Variants in KIFC2 observed in about 807,000 individuals in gnomAD.
KIFC2 encodes the protein kinesin-like protein KIFC2.
A neutral mutation model predicts 91.5 loss-of-function variants in KIFC2; 94 were observed. The ratio of observed to expected loss-of-function variants is 1.03; its 90% CI spans 0.87 to 1.22. The LOEUF is 1.22. Among genes scored for constraint, KIFC2 ranks in the 50% most tolerant of loss-of-function variants. The pLI is 0.00. For missense variants in KIFC2, 1,357 were observed against 1,103.3 expected (o/e 1.23, Z -3.26); for synonymous variants, 729 against 503.9 (o/e 1.45, Z -5.98).
chr8:144,469,457 C>T (rs368388290), intron 11 of KIFC2, 33 bp from the exon 12 acceptor site: 23 of 1,613,550 alleles, frequency 1.4e-5, no homozygotes, highest in Admixed American at 5.0e-5. Flanking sequence ...TTAGGGTCTG[C>T]GAGGCATTAT....
At position 144,467,381 on chromosome 8, in the gene KIFC2, G is replaced by A. The variant is rs752982484; in HGVS notation, c.469+40G>A. The A allele has an allele frequency of 7.7e-6, 12 of 1,554,984 alleles. 1 individual carries two copies. The highest frequency in any genetic ancestry group is 7.3e-5 in the South Asian group (6 of 81,776). On this transcript the variant is annotated intron_variant, in intron 4 of 17. Coordinates refer to ENST00000645548, the MANE Select transcript of KIFC2 (RefSeq NM_001369769.2). ...GTAAGTTGAAGAAGAACTCTGGAGG[G>A]AGCAAATCCCGGTAGAACCTGGGCG...
chr8:144,469,790 C>A, intron 12 of KIFC2, 143 bp downstream of exon 12: 1 of 1,082,850 alleles, frequency 9.2e-7, no homozygotes, highest in Non-Finnish European at 1.3e-6. Flanking sequence ...GGAAAGGGAA[C>A]CGAGGGGGCT....
chr8:144,472,112 C>T (rs200364470), intron 13 of KIFC2, 26 bp from the exon 14 acceptor site: 40 of 1,613,014 alleles, frequency 2.5e-5, no homozygotes, highest in African/African-American at 1.3e-4. Flanking sequence ...GATGTGAGCC[C>T]GGTGTGCACC....
intron 12 of KIFC2, among the ~76,000 whole-genome samples, chr8:144,471,084 C>T (rs1030910176): frequency 2.0e-5 from 3 of 152,088 alleles, no homozygotes; most frequent in Non-Finnish European, 4.4e-5. Context: ...CTGCTTCAGC[C>T]TCCGAAGTAG....
intron 2 of KIFC2, 39 bp from the exon 3 acceptor site, chr8:144,466,920 T>G: frequency 6.4e-7 from 1 of 1,573,262 alleles, no homozygotes; most frequent in Non-Finnish European, 8.6e-7. Context: ...CTCAAGCACG[T>G]GACCCGAAAT....
At chr8:144,470,043 T>C (rs1824866941) in intron 12 of KIFC2, among the ~76,000 whole-genome samples, 1 of 152,272 alleles carries the variant, frequency 6.6e-6, no homozygotes, top group Admixed American at 6.5e-5. Flanking sequence ...GCCAGACACC[T>C]GTGGAAAAGC....
In KIFC2 at chr8:144,473,144, C is replaced by T. The variant is rs1825006580; in HGVS notation, c.2131C>T (p.Pro711Ser). Residue 711 changes from proline (P) to serine (S), a missense_variant, in exon 18 of 18, where the codon CCG (proline) becomes TCG (serine). Pro to Ser is a moderately conservative substitution (Grantham distance 74). Coordinates refer to ENST00000645548, the MANE Select transcript of KIFC2 (RefSeq NM_001369769.2). Reference sequence around the variant, plus strand: ...CTCTTGCCCGCAGATCTCCACGCGGCCGGAGGATCTCGGGGAGACAGTCTG... The same window carrying T: ...CTCTTGCCCGCAGATCTCCACGCGGTCGGAGGATCTCGGGGAGACAGTCTG... ...AVLLLQISTR[P>S]EDLGETVCSL... is the part of the protein sequence containing the mutation. 1 of 1,564,100 alleles carries T rather than the reference C, an allele frequency of 6.4e-7. No individual in the cohort carries two copies. The highest frequency in any genetic ancestry group is 8.7e-7 in the Non-Finnish European group (1 of 1,155,206).
rs1333524271 is a variant in KIFC2, at chr8:144,472,270, C to G, written c.1607+11C>G. Reference sequence around the variant, plus strand: ...CAATGAGGCTGTCAGGTGGGCTACTCCACCAGGGAGGCCTTCTCCCCACCC... The same window carrying G: ...CAATGAGGCTGTCAGGTGGGCTACTGCACCAGGGAGGCCTTCTCCCCACCC... On this transcript the variant is annotated intron_variant, in intron 14 of 17. Transcript: ENST00000645548. 4 of 1,613,338 alleles carry G rather than the reference C, an allele frequency of 2.5e-6. No homozygotes were observed. The Admixed American group carries it at 5.0e-5, about 20-fold the overall frequency.
At chr8:144,468,295 C>T (rs1212404049) in intron 7 of KIFC2, 34 bp from the exon 8 acceptor site, 25 of 1,569,576 alleles carry the variant, frequency 1.6e-5, no homozygotes, top group Admixed American at 7.2e-5. Flanking sequence ...GACCGTCCCT[C>T]TCTGAGTCCC....
Position 144,467,243 on chromosome 8 carries a change from T to G in KIFC2, c.371T>G (p.Leu124Arg). ...TCACTGTTGACAGTGACCAGTCAGC[T>G]CTTGGCCCTTCTGGCATGGCTTCGA... ...VPSLLTVTSQ[L>R]LALLAWLRSP... Residue 124 changes from leucine (L) to arginine (R), a missense_variant, in exon 4 of 18, where the codon CTC becomes CGC. Coordinates refer to ENST00000645548, the MANE Select transcript of KIFC2 (RefSeq NM_001369769.2). 6.2e-7 allele frequency: 1 copy of G among 1,613,624 alleles called. No individual in the cohort carries two copies. Among genetic ancestry groups the G allele is most frequent in the Non-Finnish European group, 8.5e-7 (1 of 1,180,022 alleles).
intron 12 of KIFC2, 25 bp from the exon 13 acceptor site, chr8:144,471,917 A>G (rs1824942118): frequency 6.2e-7 from 1 of 1,609,300 alleles, no homozygotes; most frequent in African/African-American, 1.3e-5. Context: ...GGAGGACTCA[A>G]AACACATTCT....
At position 144,473,626 on chromosome 8, in the gene KIFC2, CCTT is replaced by C. The variant is rs1338592472; in HGVS notation, c.*238_*240del. 7.2e-6 allele frequency: 4 copies of C among 554,316 alleles called. No individual in the cohort carries two copies. Among genetic ancestry groups the C allele is most frequent in the Non-Finnish European group, 8.9e-6 (3 of 335,798 alleles). The allele number at this position is 554,316 out of a possible 1,614,324, so 34.3% of individuals were successfully genotyped here. ...ATCAGGCCACAGGTCTTGGCTTTCT[CCTT>C]ATCACCATTTGCTGTTATCACGGCA... On this transcript the variant is annotated 3_prime_UTR_variant, in exon 18 of 18. Transcript: ENST00000645548.
At position 144,466,791 on chromosome 8, in the gene KIFC2, C is replaced by T. The variant is rs1207474844; in HGVS notation, c.131C>T (p.Pro44Leu). Residue 44 changes from proline (P) to leucine (L), a missense_variant, in exon 2 of 18, where the codon CCA becomes CTA. By Grantham distance (98) the Pro-to-Leu change is moderately conservative. Coordinates refer to ENST00000645548, the MANE Select transcript of KIFC2 (RefSeq NM_001369769.2). ...CGCAAGCCCCGGGGTCGCCGGCGCC[C>T]AGACCTGCCCGCGCCAGAGCTGTGG... ...RARKPRGRRR[P>L]DLPAPELWTE... The T allele has an allele frequency of 1.3e-6, 2 of 1,535,220 alleles. No homozygotes were observed. Among genetic ancestry groups the T allele is most frequent in the Non-Finnish European group, 1.7e-6 (2 of 1,147,924 alleles).
Position 144,467,493 on chromosome 8 carries a change from T to C in KIFC2, c.478T>C (p.Ser160Pro), listed in dbSNP as rs147847190. 483 of 1,569,736 alleles carry C rather than the reference T, an allele frequency of 3.1e-4. 5 individuals carry two copies. The East Asian group carries it at 0.011, about 35-fold the overall frequency. ...VRPPSPDGST[S>P]QEESPSHFTA... ...GGCCCACCCTACTCCAGGATCCACA[T>C]CCCAAGAAGAAAGCCCTTCCCACTT... The change falls in exon 5 of 18, where the codon TCC becomes CCC. Residue 160 changes from serine to proline, a missense_variant. Coordinates refer to ENST00000645548, the MANE Select transcript of KIFC2 (RefSeq NM_001369769.2).
In KIFC2 at chr8:144,472,721, G is replaced by A. The variant is rs752135714; in HGVS notation, c.1861+15G>A. ...AGGCACCGCAGGTACCACGGCCGGT[G>A]CCTGAGCCCTGCGGAGTCTCCAGAG... On this transcript the variant is annotated intron_variant, in intron 16 of 17. Transcript: ENST00000645548. 1.3e-6 allele frequency: 2 copies of A among 1,592,944 alleles called. No individual in the cohort carries two copies. Among genetic ancestry groups the A allele is most frequent in the Non-Finnish European group, 1.7e-6 (2 of 1,177,160 alleles).
Position 144,473,473 on chromosome 8 carries a change from C to T in KIFC2, c.*84C>T, listed in dbSNP as rs1015071857. ...TAGTAAAGTCCCTGTACCCCGTCTC[C>T]CAGGGCACAAGCTCCCTAGCCTCTT... is the stretch of plus-strand genomic sequence containing the variant. On this transcript the variant is annotated 3_prime_UTR_variant, in exon 18 of 18. Coordinates refer to ENST00000645548, the MANE Select transcript of KIFC2 (RefSeq NM_001369769.2). The T allele has an allele frequency of 4.8e-6, 7 of 1,458,478 alleles. No individual in the cohort carries two copies. The highest frequency in any genetic ancestry group is 6.3e-6 in the Non-Finnish European group (7 of 1,107,920). The allele number at this position is 1,458,478 out of a possible 1,614,324, so 90.3% of individuals were successfully genotyped here.
chr8:144,473,319 G>C lies in KIFC2; in HGVS notation c.2306G>C (p.Ser769Thr). Residue 769 changes from serine to threonine, a missense_variant, in exon 18 of 18, where the codon AGT (serine) becomes ACT (threonine). Transcript: ENST00000645548. ...TGCACCCCTACGCCGTCCCCTGGCA[G>C]TCCTCCATGCCCCAGTCCCGACAAC... ...TPCTPTPSPG[S>T]PPCPSPDNGS... 6.2e-7 allele frequency: 1 copy of C among 1,601,804 alleles called. No homozygotes were observed. Among genetic ancestry groups the C allele is most frequent in the Non-Finnish European group, 8.5e-7 (1 of 1,175,642 alleles).
intron 12 of KIFC2, 74 bp downstream of exon 12, chr8:144,469,721 C>T (rs1288333449): frequency 2.7e-6 from 4 of 1,495,570 alleles, no homozygotes; most frequent in Non-Finnish European, 3.6e-6. Context: ...CTCCAGTTTC[C>T]CCTTCCCAGT....
At position 144,472,863 on chromosome 8, in the gene KIFC2, CG is replaced by C; in HGVS notation, c.1934del (p.Gly645GlufsTer15). On this transcript the variant is annotated frameshift_variant, in exon 17 of 18. Transcript: ENST00000645548. LOFTEE classifies it high-confidence loss of function. ...ARKAGAAGPP[R>X]GDPDGARRLR... Reference sequence around the variant, plus strand: ...GAAGGCAGGGGCGGCCGGCCCGCCGCGGGGAGACCCAGACGGCGCCCGGCGC... The same window carrying C: ...GAAGGCAGGGGCGGCCGGCCCGCCGCGGGAGACCCAGACGGCGCCCGGCGC... 1 of 1,540,948 alleles carries C rather than the reference CG, an allele frequency of 6.5e-7. No individual in the cohort carries two copies. Among genetic ancestry groups the C allele is most frequent in the Non-Finnish European group, 8.6e-7 (1 of 1,157,238 alleles).
Sources: gnomAD v4.1 joint callset for allele counts (sites outside exome capture counted in the v4.1 genomes callset) on GRCh38, gnomAD v4.1.1 for gene constraint, MANE v1.5 for transcripts, NCBI Gene and HGNC (gene_info 2026-07-23, HGNC 2026-07-21) for gene names.